The following HS3ST4 variants were observed in gnomAD, a reference collection of about 807,000 sequenced individuals.
HS3ST4 encodes the protein heparan sulfate-glucosamine 3-sulfotransferase 4.
HS3ST4 carries 17 observed loss-of-function variants against 29.2 expected under a neutral mutation model. The observed-to-expected ratio is 0.58, with a 90% CI of 0.40 to 0.87. The LOEUF (loss-of-function observed/expected upper bound fraction) is 0.87. Among genes scored for constraint, HS3ST4 ranks in the 40% least tolerant of loss-of-function variants. The pLI is 0.00. For synonymous variants in HS3ST4, 314 were observed against 285.7 expected (o/e 1.10, Z -1.00); for missense variants, 627 against 634.5 (o/e 0.99, Z 0.13).
intron 1 of HS3ST4, among the ~76,000 whole-genome samples, chr16:25,946,187 A>G (rs1160368637): frequency 6.6e-6 from 1 of 152,244 alleles, no homozygotes; most frequent in Non-Finnish European, 1.5e-5. Context: ...AGATGTTTTC[A>G]TCCTCTTCCA....
intron 1 of HS3ST4, among the ~76,000 whole-genome samples, chr16:25,788,537 C>T (rs1312851380): frequency 9.1e-4 from 64 of 70,036 alleles, no homozygotes; most frequent in Admixed American, 1.9e-3. Context: ...TTTTTCTTTT[C>T]TTCTTTCTTT....
intron 1 of HS3ST4, among the ~76,000 whole-genome samples, chr16:26,127,074 T>C (rs2141813950): frequency 6.6e-6 from 1 of 151,850 alleles, no homozygotes; most frequent in South Asian, 2.1e-4. Flanking sequence ...TCCAGATGAG[T>C]CTCTGGAAGC....
intron 1 of HS3ST4, among the ~76,000 whole-genome samples, chr16:26,125,140 C>T (rs948981447): frequency 6.6e-6 from 1 of 152,208 alleles, no homozygotes; most frequent in African/African-American, 2.4e-5. Context: ...TGGTTGGTAG[C>T]TCTTCTGATA....
chr16:25,978,335 G>A (rs763416786), intron 1 of HS3ST4, among the ~76,000 whole-genome samples: 39 of 152,218 alleles, frequency 2.6e-4, no homozygotes, highest in Non-Finnish European at 4.7e-4. Context: ...AAGGATCCAA[G>A]AGTAAACATT....
chr16:25,948,175 A>T (rs1398384564), intron 1 of HS3ST4, among the ~76,000 whole-genome samples: 1 of 152,150 alleles, frequency 6.6e-6, no homozygotes, highest in Non-Finnish European at 1.5e-5. Context: ...ATCCTTCTTC[A>T]GCTTGAGACG....
At chr16:25,808,641 C>G (rs963004466) in intron 1 of HS3ST4, among the ~76,000 whole-genome samples, 2 of 152,134 alleles carry the variant, frequency 1.3e-5, no homozygotes, top group Non-Finnish European at 2.9e-5. Context: ...TTGTTTACCT[C>G]TACAAAAACC....
At chr16:26,006,086 G>A (rs1969255258) in intron 1 of HS3ST4, among the ~76,000 whole-genome samples, 2 of 151,960 alleles carry the variant, frequency 1.3e-5, no homozygotes, top group Admixed American at 6.6e-5. Context: ...ATCACCTGAG[G>A]TTAGGAGTTC....
chr16:25,793,338 G>A (rs1415180708), intron 1 of HS3ST4, among the ~76,000 whole-genome samples: 1 of 151,728 alleles, frequency 6.6e-6, no homozygotes, highest in Non-Finnish European at 1.5e-5. Context: ...TGGATATTTT[G>A]CTCTGCTTGT....
Position 25,991,787 on chromosome 16 carries a change from T to C in HS3ST4, c.735-143825T>C, listed in dbSNP as rs539326124. ...CTGTAATCCCAGCACTTTGGGAGGC[T>C]GGGGCGGGTGGATCACAAGGTCAGG... On this transcript the variant is annotated intron_variant, in intron 1 of 1. Transcript: ENST00000331351. Among the ~76,000 whole-genome samples, 14 of 152,172 alleles carry C rather than the reference T, an allele frequency of 9.2e-5. No individual in the cohort carries two copies. In the South Asian group the frequency reaches 2.5e-3, roughly 27 times the overall value.
At chr16:25,693,400 C>A (rs1353750811) in intron 1 of HS3ST4, among the ~76,000 whole-genome samples, 1 of 152,128 alleles carries the variant, frequency 6.6e-6, no homozygotes, top group Non-Finnish European at 1.5e-5. Flanking sequence ...CGCTCCTCAT[C>A]CAAGGAGGTG....
intron 1 of HS3ST4, among the ~76,000 whole-genome samples, chr16:26,029,465 T>A (rs899380303): frequency 2.0e-5 from 3 of 151,486 alleles, no homozygotes; most frequent in African/African-American, 7.3e-5. Context: ...CAGGCTGGAG[T>A]GCAATGGCAC....
intron 1 of HS3ST4, among the ~76,000 whole-genome samples, chr16:25,734,637 A>G (rs369046380): frequency 2.0e-5 from 3 of 152,176 alleles, no homozygotes; most frequent in East Asian, 3.9e-4. Context: ...TCTGGCCACA[A>G]TCATGCAAAC....
intron 1 of HS3ST4, among the ~76,000 whole-genome samples, chr16:25,704,442 A>T (rs1966359922): frequency 6.6e-6 from 1 of 152,140 alleles, no homozygotes; most frequent in Non-Finnish European, 1.5e-5. Flanking sequence ...CCATAGCAGG[A>T]TGTCCTGAGC....
intron 1 of HS3ST4, among the ~76,000 whole-genome samples, chr16:25,925,203 C>A (rs929134176): frequency 6.6e-6 from 1 of 150,986 alleles, no homozygotes; most frequent in African/African-American, 2.4e-5. Flanking sequence ...ATTAATATTC[C>A]TCTCCTTGGT....
At chr16:25,796,721 C>T (rs997504128) in intron 1 of HS3ST4, among the ~76,000 whole-genome samples, 1 of 152,204 alleles carries the variant, frequency 6.6e-6, no homozygotes, top group Admixed American at 6.5e-5. Flanking sequence ...GCTCCTGCCT[C>T]GCAGCACTAG....
chr16:25,944,879 C>G (rs1372999039), intron 1 of HS3ST4, among the ~76,000 whole-genome samples: 1 of 152,176 alleles, frequency 6.6e-6, no homozygotes, highest in Non-Finnish European at 1.5e-5. Flanking sequence ...GAGGGAATCT[C>G]CCTTTTCAAG....
intron 1 of HS3ST4, among the ~76,000 whole-genome samples, chr16:25,999,156 G>A (rs1413758749): frequency 6.6e-6 from 1 of 152,040 alleles, no homozygotes; most frequent in Non-Finnish European, 1.5e-5. Flanking sequence ...AGTATTCTTA[G>A]AACCTATGCA....
intron 1 of HS3ST4, among the ~76,000 whole-genome samples, chr16:25,808,027 A>G (rs1353578265): frequency 6.6e-6 from 1 of 152,146 alleles, no homozygotes; most frequent in African/African-American, 2.4e-5. Context: ...TCTAGATACC[A>G]ATCCTTTTTC....
At chr16:25,899,506 T>A (rs989579796) in intron 1 of HS3ST4, among the ~76,000 whole-genome samples, 1 of 17,792 alleles carries the variant, frequency 5.6e-5, no homozygotes, top group African/African-American at 1.5e-4. Flanking sequence ...CTTTTTAAAT[T>A]TTTTTTTTTT....
Sources: gnomAD v4.1 joint callset for allele counts (sites outside exome capture counted in the v4.1 genomes callset) on GRCh38, gnomAD v4.1.1 for gene constraint, MANE v1.5 for transcripts, NCBI Gene and HGNC (gene_info 2026-07-23, HGNC 2026-07-21) for gene names.